The following LIN7A variants were observed in gnomAD, a reference collection of about 807,000 sequenced individuals.
LIN7A encodes the protein protein lin-7 homolog A.
Under a neutral mutation model 29.8 loss-of-function variants are expected in LIN7A, and 25 were observed. The ratio of observed to expected loss-of-function variants is 0.84; its 90% CI spans 0.61 to 1.17. The LOEUF (loss-of-function observed/expected upper bound fraction) is 1.17, where lower values mean the gene tolerates loss of function less well. LIN7A is among the 50% of genes most tolerant of loss of function. LIN7A has a pLI of 0.00. For synonymous variants in LIN7A, 118 were observed against 107.5 expected (o/e 1.10, Z -0.60); for missense variants, 239 against 287.0 (o/e 0.83, Z 1.21).
chr12:80,887,048 C>T (rs1198802319), intron 2 of LIN7A, among the ~76,000 whole-genome samples: 1 of 152,068 alleles, frequency 6.6e-6, no homozygotes, highest in African/African-American at 2.4e-5. Flanking sequence ...CCTGGATAGT[C>T]TTCTGCAAAA....
chr12:80,894,257 G>A (rs538723750), intron 1 of LIN7A, among the ~76,000 whole-genome samples: 7 of 152,248 alleles, frequency 4.6e-5, no homozygotes, highest in Admixed American at 1.3e-4. Context: ...AGAAGTTTGC[G>A]TTTACTGGTA....
Position 80,845,847 on chromosome 12 carries a change from C to T in LIN7A, c.366G>A (p.Val122=). ...GGGAATTTTGCTCCTTTCCTCCCAT[C>T]ACATTAAAACCAAGGCCTTCATCAG... ...PKTDEGLGFN[V]MGGKEQNSPI... The change falls in exon 4 of 6, where the codon GTG becomes GTA. Residue 122 remains valine, a synonymous_variant. Coordinates refer to ENST00000552864, the MANE Select transcript of LIN7A (RefSeq NM_004664.4). 1 of 1,613,440 alleles carries T rather than the reference C, an allele frequency of 6.2e-7. No homozygotes were observed. The highest frequency in any genetic ancestry group is 2.2e-5 in the East Asian group (1 of 44,860).
At chr12:80,913,427 G>A (rs1876866288) in intron 1 of LIN7A, among the ~76,000 whole-genome samples, 1 of 152,216 alleles carries the variant, frequency 6.6e-6, no homozygotes. Flanking sequence ...CTGCTTATAG[G>A]AGGGTGGTTT....
chr12:80,835,527 C>T (rs1872560199), intron 4 of LIN7A, among the ~76,000 whole-genome samples: 1 of 152,062 alleles, frequency 6.6e-6, no homozygotes, highest in Non-Finnish European at 1.5e-5. Context: ...GAGGAGATGA[C>T]TTAAACTGGG....
intron 5 of LIN7A, among the ~76,000 whole-genome samples, chr12:80,808,978 A>AT (rs34489397): frequency 0.014 from 2,079 of 144,980 alleles, 17 homozygotes; most frequent in African/African-American, 0.023. Flanking sequence ...TCTTCTTTTC[A>AT]TTTTTTTTTT....
intron 1 of LIN7A, chr12:80,937,384 T>C: frequency 2.7e-6 from 1 of 374,184 alleles, no homozygotes; most frequent in Non-Finnish European, 4.7e-6. Flanking sequence ...GGGCTGGGAG[T>C]GGCAGCGGGG....
At chr12:80,912,914 T>C (rs1205072876) in intron 1 of LIN7A, among the ~76,000 whole-genome samples, 1 of 152,184 alleles carries the variant, frequency 6.6e-6, no homozygotes. Context: ...TTCATTCATA[T>C]TAAAAATAAG....
chr12:80,914,921 G>A (rs571082447), intron 1 of LIN7A, among the ~76,000 whole-genome samples: 4 of 152,058 alleles, frequency 2.6e-5, no homozygotes, highest in Non-Finnish European at 4.4e-5. Flanking sequence ...GGTGGTGAGC[G>A]CTTGTGGTCC....
At chr12:80,897,524 T>C (rs1875971462) in intron 1 of LIN7A, among the ~76,000 whole-genome samples, 2 of 152,304 alleles carry the variant, frequency 1.3e-5, no homozygotes, top group South Asian at 4.1e-4. Flanking sequence ...TGAAAATTGT[T>C]TGTTGGGGCC....
At chr12:80,879,078 A>G (rs771620552) in intron 2 of LIN7A, among the ~76,000 whole-genome samples, 4 of 152,200 alleles carry the variant, frequency 2.6e-5, no homozygotes, top group Non-Finnish European at 4.4e-5. Context: ...ACACAGTTAC[A>G]TATTCCAAGT....
chr12:80,806,120 A>G (rs1278146740), intron 5 of LIN7A, among the ~76,000 whole-genome samples: 1 of 151,920 alleles, frequency 6.6e-6, no homozygotes, highest in African/African-American at 2.4e-5. Context: ...TTTCCCCTCC[A>G]GCCATGATTC....
intron 2 of LIN7A, among the ~76,000 whole-genome samples, chr12:80,848,695 T>C (rs538867239): frequency 6.6e-6 from 1 of 152,096 alleles, no homozygotes; most frequent in East Asian, 1.9e-4. Flanking sequence ...CAAGGTTAAA[T>C]GTGTTGGACT....
chr12:80,850,443 T>C (rs1471226253), intron 2 of LIN7A, among the ~76,000 whole-genome samples: 1 of 152,170 alleles, frequency 6.6e-6, no homozygotes, highest in African/African-American at 2.4e-5. Context: ...ACCATGGATC[T>C]TTTGGGGAAA....
chr12:80,834,425 A>G (rs1872520277), intron 4 of LIN7A, among the ~76,000 whole-genome samples: 1 of 152,206 alleles, frequency 6.6e-6, no homozygotes, highest in South Asian at 2.1e-4. Context: ...ATTTGGTGTC[A>G]CTGAAGGGCA....
intron 4 of LIN7A, among the ~76,000 whole-genome samples, chr12:80,827,098 C>T (rs118048190): frequency 6.6e-6 from 1 of 152,218 alleles, no homozygotes; most frequent in East Asian, 1.9e-4. Flanking sequence ...TTAATAACAT[C>T]TCCTTCAGGG....
At chr12:80,858,520 T>C (rs915476092) in intron 2 of LIN7A, among the ~76,000 whole-genome samples, 1 of 152,014 alleles carries the variant, frequency 6.6e-6, no homozygotes, top group African/African-American at 2.4e-5. Context: ...TTTTTTTTTT[T>C]TTTTAAGTTG....
intron 2 of LIN7A, among the ~76,000 whole-genome samples, chr12:80,873,785 C>G (rs1283849453): frequency 6.6e-6 from 1 of 150,826 alleles, no homozygotes; most frequent in African/African-American, 2.4e-5. Flanking sequence ...CTGGACTATT[C>G]TAAGGTAAAT....
intron 1 of LIN7A, among the ~76,000 whole-genome samples, chr12:80,896,114 C>T (rs926546182): frequency 6.6e-6 from 1 of 152,082 alleles, no homozygotes; most frequent in Non-Finnish European, 1.5e-5. Context: ...GTCATGGAAG[C>T]CAATCTGGGA....
chr12:80,826,041 CATT>C (rs1020551598), intron 4 of LIN7A, among the ~76,000 whole-genome samples: 11 of 152,128 alleles, frequency 7.2e-5, no homozygotes, highest in African/African-American at 1.2e-4. Context: ...AATAATAAAA[CATT>C]AATAATAGCT....
Sources: allele counts gnomAD v4.1 joint callset (sites outside exome capture counted in the v4.1 genomes callset), GRCh38; gene constraint gnomAD v4.1.1; transcripts MANE v1.5; gene names NCBI Gene and HGNC (gene_info 2026-07-23, HGNC 2026-07-21).